The following ALPL variants were observed in gnomAD, a reference collection of about 807,000 sequenced individuals.
The protein encoded by ALPL is alkaline phosphatase, tissue-nonspecific isozyme.
In ALPL, 42 loss-of-function variants were observed where a neutral mutation model predicts 51.3. The ratio of observed to expected loss-of-function variants is 0.82; its 90% confidence interval spans 0.64 to 1.06. The LOEUF (loss-of-function observed/expected upper bound fraction) is 1.06. ALPL is among the 50% of genes least tolerant of loss of function. The pLI, the probability that ALPL is intolerant of heterozygous loss-of-function variation, is 0.00. For synonymous variants in ALPL, 279 were observed against 296.4 expected, an observed-to-expected ratio of 0.94 and a Z score of 0.60; for missense variants, 589 against 709.4, an observed-to-expected ratio of 0.83 and a Z score of 1.93.
intron 1 of ALPL, among the ~76,000 whole-genome samples, chr1:21,532,496 C>T (rs1558532939): frequency 6.6e-6 from 1 of 151,722 alleles, no homozygotes; most frequent in Non-Finnish European, 1.5e-5. Flanking sequence ...CAGCCCAAGA[C>T]CAATATTTTA....
chr1:21,563,934 A>G, intron 5 of ALPL, 107 bp from the exon 6 acceptor site: 1 of 1,432,658 alleles, frequency 7.0e-7, no homozygotes, highest in East Asian at 2.4e-5. Context: ...CAATCCTCAG[A>G]ACTGAAGCGG....
At chr1:21,571,295 A>C (rs556612098) in intron 8 of ALPL, among the ~76,000 whole-genome samples, 3 of 152,320 alleles carry the variant, frequency 2.0e-5, no homozygotes, top group Non-Finnish European at 2.9e-5. Context: ...GGGGCTGGAG[A>C]CAACCCCTGG....
At chr1:21,520,466 CTTT>C (rs35922763) in intron 1 of ALPL, among the ~76,000 whole-genome samples, 3 of 111,464 alleles carry the variant, frequency 2.7e-5, no homozygotes, top group Admixed American at 1.1e-4. Flanking sequence ...TCTTTTTTCT[CTTT>C]TTTTTTTTTT....
In ALPL at chr1:21,577,599, G is replaced by GCCC; in HGVS notation, c.1529_1531dup (p.Pro510dup). ...AGCTCGGCAGGCAGCCTTGCTGCAG[G>GCCC]CCCCCTGCTGCTCGCGCTGGCCCTC... On this transcript the variant is annotated inframe_insertion, in exon 12 of 12. Transcript: ENST00000374840. 2 of 1,600,994 alleles carry GCCC rather than the reference G, an allele frequency of 1.2e-6. No homozygotes were observed. The highest frequency in any genetic ancestry group is 2.2e-5 in the South Asian group (2 of 90,998).
chr1:21,551,850 T>C (rs1320353571), intron 1 of ALPL, among the ~76,000 whole-genome samples: 6 of 149,256 alleles, frequency 4.0e-5, no homozygotes, highest in South Asian at 2.2e-4. Context: ...CTCAGCCTCC[T>C]GAGTAGCTGG....
intron 4 of ALPL, among the ~76,000 whole-genome samples, chr1:21,562,251 T>C (rs1333327919): frequency 6.6e-6 from 1 of 152,220 alleles, no homozygotes; most frequent in Non-Finnish European, 1.5e-5. Context: ...AAAACGCTAA[T>C]GAAGTGAGCT....
intron 2 of ALPL, among the ~76,000 whole-genome samples, chr1:21,559,605 C>T (rs988955928): frequency 6.6e-6 from 1 of 152,114 alleles, no homozygotes; most frequent in East Asian, 1.9e-4. Context: ...CTGCAACCTC[C>T]GCCTCCCGGG....
At chr1:21,573,833 T>A in intron 9 of ALPL, 34 bp downstream of exon 9, 1 of 1,613,864 alleles carries the variant, frequency 6.2e-7, no homozygotes, top group Non-Finnish European at 8.5e-7. Context: ...AGGGGGCTGC[T>A]GGAAACACGG....
chr1:21,549,307 ACTT>A (rs1301421138), intron 1 of ALPL, among the ~76,000 whole-genome samples: 3 of 151,978 alleles, frequency 2.0e-5, no homozygotes, highest in East Asian at 1.9e-4. Flanking sequence ...TCTAACCCAG[ACTT>A]CTTTTTCAAA....
At chr1:21,548,508 C>T (rs1229423026) in intron 1 of ALPL, among the ~76,000 whole-genome samples, 1 of 152,188 alleles carries the variant, frequency 6.6e-6, no homozygotes, top group Non-Finnish European at 1.5e-5. Flanking sequence ...AGATGTTGGT[C>T]TTTACGTTCA....
chr1:21,528,285 G>T (rs1042951230), intron 1 of ALPL, among the ~76,000 whole-genome samples: 4 of 150,428 alleles, frequency 2.7e-5, no homozygotes, highest in African/African-American at 9.8e-5. Context: ...CTCCCAAGGT[G>T]CTGAGATTTA....
intron 6 of ALPL, among the ~76,000 whole-genome samples, chr1:21,565,283 C>T (rs1451712292): frequency 6.6e-6 from 1 of 152,184 alleles, no homozygotes; most frequent in East Asian, 1.9e-4. Flanking sequence ...GTGCTGTTGG[C>T]CCCTTTCACT....
chr1:21,554,235 C>A, intron 2 of ALPL, 93 bp downstream of exon 2: 1 of 1,318,118 alleles, frequency 7.6e-7, no homozygotes, highest in Non-Finnish European at 1.1e-6. Flanking sequence ...CAGAACCATC[C>A]AAAGTATTTA....
At chr1:21,560,825 GC>G in intron 3 of ALPL, 80 bp downstream of exon 3, 1 of 1,578,818 alleles carries the variant, frequency 6.3e-7, no homozygotes, top group Non-Finnish European at 8.7e-7. Context: ...GTTGAAGGGG[GC>G]TGTGTTGAAG....
Position 21,559,064 on chromosome 1 carries a change from C to T in ALPL, c.62-1562C>T, listed in dbSNP as rs573900341. Among the ~76,000 whole-genome samples the T allele has an allele frequency of 5.3e-5, 8 of 152,304 alleles. No homozygotes were observed. The South Asian group carries it at 1.7e-3, about 32-fold the overall frequency. On this transcript the variant is annotated intron_variant, in intron 2 of 11. Coordinates refer to ENST00000374840, the MANE Select transcript of ALPL (RefSeq NM_000478.6). ...GAGGGCTGTTCTTTACCCACGGCCA[C>T]TCCGAGAGCCAGGCACGCGTCGGAG...
At chr1:21,543,462 CTG>C (rs1445347788) in intron 1 of ALPL, among the ~76,000 whole-genome samples, 1 of 152,146 alleles carries the variant, frequency 6.6e-6, no homozygotes, top group Non-Finnish European at 1.5e-5. Context: ...GGCAGAAACA[CTG>C]TAATCCCAGC....
intron 2 of ALPL, among the ~76,000 whole-genome samples, chr1:21,555,147 C>G (rs558321983): frequency 7.6e-6 from 1 of 132,118 alleles, no homozygotes; most frequent in South Asian, 2.5e-4. Context: ...GGTTCTCTGG[C>G]GGGCAGGAGT....
chr1:21,570,533 G>A (rs756056396), intron 8 of ALPL, among the ~76,000 whole-genome samples, 159 bp downstream of exon 8: 7 of 152,308 alleles, frequency 4.6e-5, no homozygotes, highest in African/African-American at 1.7e-4. Context: ...GGGGGTTCTG[G>A]TTCCTGGAAT....
chr1:21,524,758 CTG>C (rs1643919594), intron 1 of ALPL, among the ~76,000 whole-genome samples: 1 of 152,206 alleles, frequency 6.6e-6, no homozygotes, highest in African/African-American at 2.4e-5. Flanking sequence ...CAGGAACAGA[CTG>C]TGTGACACTT....
Sources: gnomAD v4.1 joint callset for allele counts (sites outside exome capture counted in the v4.1 genomes callset) on GRCh38, gnomAD v4.1.1 for gene constraint, MANE v1.5 for transcripts, NCBI Gene and HGNC (gene_info 2026-07-23, HGNC 2026-07-21) for gene names.